GPM6B: variants seen among roughly 807,000 people sequenced by gnomAD.
GPM6B encodes the protein neuronal membrane glycoprotein M6-b.
GPM6B carries 4 observed loss-of-function variants against 27.2 expected under a neutral mutation model. That is an observed-to-expected ratio of 0.15 (90% CI 0.07 to 0.34). GPM6B has a LOEUF of 0.34. Among genes scored for constraint, GPM6B ranks in the 10% least tolerant of loss-of-function variants. GPM6B has a pLI of 1.00. For synonymous variants in GPM6B, 124 were observed against 103.1 expected, an observed-to-expected ratio of 1.20 and a Z score of -1.23; for missense variants, 183 against 261.9, an observed-to-expected ratio of 0.70 and a Z score of 2.08.
intron 2 of GPM6B, among the ~76,000 whole-genome samples, chrX:13,792,262 C>A (rs1458870742): frequency 9.0e-6 from 1 of 111,386 alleles, no homozygotes; most frequent in African/African-American, 3.3e-5. Flanking sequence ...GAGTAGAGAC[C>A]AGGGATGCTG....
rs1415703583 is a variant in GPM6B, at chrX:13,772,919, G to C, written c.949C>G (p.Gln317Glu). Residue 317 changes from glutamine (Q) to glutamate (E), a missense_variant, in exon 8 of 8, where the codon CAG becomes GAG. Physicochemically the swap from Gln to Glu is conservative, Grantham distance 29. Transcript: ENST00000316715. ...TTGAGTTGTTCTTTTGACCGAGACT[G>C]GATATCTTGCAGTTCCTGTTCTTCC... is the stretch of plus-strand genomic sequence containing the variant. ...AKEEQELQDI[Q>E]SRSKEQLNSY... 8.3e-7 allele frequency: 1 copy of C among 1,208,890 alleles called. No homozygotes were observed. Among genetic ancestry groups the C allele is most frequent in the Non-Finnish European group, 1.1e-6 (1 of 894,330 alleles).
At chrX:13,935,147 A>G (rs1465776164) in intron 1 of GPM6B, among the ~76,000 whole-genome samples, 2 of 111,446 alleles carry the variant, frequency 1.8e-5, no homozygotes, top group Admixed American at 9.5e-5. Context: ...ATGGGTTGAA[A>G]CAATTATTTC....
chrX:13,897,487 C>T (rs1235446723), intron 1 of GPM6B, among the ~76,000 whole-genome samples: 2 of 111,967 alleles, frequency 1.8e-5, no homozygotes, highest in Non-Finnish European at 3.8e-5. Context: ...TACAAACTGA[C>T]TATATTAACA....
At chrX:13,780,192 G>T (rs193282775) in intron 4 of GPM6B, among the ~76,000 whole-genome samples, 32 of 111,725 alleles carry the variant, frequency 2.9e-4, no homozygotes, top group African/African-American at 1.0e-3. Flanking sequence ...CAGAGCTAGA[G>T]GATCTAGAAT....
intron 1 of GPM6B, among the ~76,000 whole-genome samples, chrX:13,886,719 T>TACAAAAAAAAAAAA (rs2050138913): frequency 2.8e-5 from 1 of 35,106 alleles, no homozygotes; most frequent in East Asian, 2.2e-3. Context: ...AAGTCACTAC[T>TACAAAAAAAAAAAA]AAAAAAAAAA....
At chrX:13,866,950 A>T in intron 1 of GPM6B, among the ~76,000 whole-genome samples, 1 of 111,940 alleles carries the variant, frequency 8.9e-6, no homozygotes, top group Non-Finnish European at 1.9e-5. Flanking sequence ...TATACATCCT[A>T]GTCAAGAGTC....
intron 2 of GPM6B, among the ~76,000 whole-genome samples, chrX:13,786,542 C>T (rs763617745): frequency 9.0e-6 from 1 of 110,549 alleles, no homozygotes; most frequent in South Asian, 4.0e-4. Context: ...CCCAGTCAGC[C>T]CAAGCAATTC....
At chrX:13,812,320 T>C (rs1347194394) in intron 1 of GPM6B, among the ~76,000 whole-genome samples, 1 of 110,289 alleles carries the variant, frequency 9.1e-6, no homozygotes, top group African/African-American at 3.3e-5. Flanking sequence ...CCCAAAGTGG[T>C]GGGATTACAG....
rs745849867 is a variant in GPM6B, at chrX:13,796,902, G to A, written c.181+10748C>T. Among the ~76,000 whole-genome samples the A allele has an allele frequency of 2.7e-5, 3 of 112,169 alleles. No individual in the cohort carries two copies. In the East Asian group the frequency reaches 8.4e-4, roughly 31 times the overall value. On this transcript the variant is annotated intron_variant, in intron 2 of 7. Transcript: ENST00000316715. ...GTTAGTCTCTTCCTTTGCCTTTTGT[G>A]GGAACTGGCTTTGGTTTTCCCAAAG...
At chrX:13,917,064 T>C in intron 1 of GPM6B, among the ~76,000 whole-genome samples, 2 of 110,109 alleles carry the variant, frequency 1.8e-5, no homozygotes, top group Non-Finnish European at 3.8e-5. Flanking sequence ...ACACAAAAAT[T>C]AGCCAGATGT....
intron 7 of GPM6B, chrX:13,774,501 T>C: frequency 8.3e-7 from 1 of 1,206,680 alleles, no homozygotes; most frequent in Non-Finnish European, 1.1e-6. Context: ...GTCAGTGATA[T>C]TTCATGCTAC....
At chrX:13,792,393 C>T (rs906943416) in intron 2 of GPM6B, among the ~76,000 whole-genome samples, 1 of 111,620 alleles carries the variant, frequency 9.0e-6, no homozygotes, top group Admixed American at 9.5e-5. Context: ...ATCGTTTAGA[C>T]CACTGGTTCC....
At chrX:13,864,600 T>G (rs2049888848) in intron 1 of GPM6B, among the ~76,000 whole-genome samples, 1 of 112,353 alleles carries the variant, frequency 8.9e-6, no homozygotes. Flanking sequence ...AGGATTTGGA[T>G]GATGTCAGAA....
chrX:13,773,309 G>A, intron 7 of GPM6B: 1 of 164,177 alleles, frequency 6.1e-6, no homozygotes, highest in Non-Finnish European at 1.0e-5. Context: ...ACGAGAGGGT[G>A]CTTTTTTTTT....
chrX:13,840,292 C>T (rs2049557007), intron 1 of GPM6B, among the ~76,000 whole-genome samples: 1 of 110,903 alleles, frequency 9.0e-6, no homozygotes, highest in South Asian at 3.9e-4. Flanking sequence ...TCTTCTGTAA[C>T]CCCTGCCTCC....
At chrX:13,827,423 C>G (rs1379548900) in intron 1 of GPM6B, among the ~76,000 whole-genome samples, 1 of 109,832 alleles carries the variant, frequency 9.1e-6, no homozygotes, top group Non-Finnish European at 1.9e-5. Context: ...GCTGGCATTA[C>G]AGGTGTGACC....
chrX:13,844,895 A>G (rs1283361969), intron 1 of GPM6B, among the ~76,000 whole-genome samples: 2 of 112,338 alleles, frequency 1.8e-5, no homozygotes, highest in Non-Finnish European at 3.8e-5. Context: ...AGTATGACCA[A>G]CAAAGCTGGG....
chrX:13,879,624 T>G (rs2050073787), intron 1 of GPM6B, among the ~76,000 whole-genome samples: 1 of 112,332 alleles, frequency 8.9e-6, no homozygotes, highest in African/African-American at 3.2e-5. Flanking sequence ...TTCAAACACT[T>G]GATTCCAAAA....
At chrX:13,875,261 T>C (rs1233056179) in intron 1 of GPM6B, among the ~76,000 whole-genome samples, 2 of 110,771 alleles carry the variant, frequency 1.8e-5, no homozygotes, top group African/African-American at 6.6e-5. Context: ...CAGATGAATA[T>C]ATGAGGAGGC....
Sources: gnomAD v4.1 joint callset for allele counts (sites outside exome capture counted in the v4.1 genomes callset) on GRCh38, gnomAD v4.1.1 for gene constraint, MANE v1.5 for transcripts, NCBI Gene and HGNC (gene_info 2026-07-23, HGNC 2026-07-21) for gene names.